The following MBD5 variants were observed in gnomAD, a reference collection of about 807,000 sequenced individuals.
MBD5 encodes the protein methyl-CpG-binding domain protein 5.
Under a neutral mutation model 117.3 loss-of-function variants are expected in MBD5, and 13 were observed. The observed-to-expected ratio is 0.11, with a 90% CI of 0.07 to 0.18. MBD5 has a LOEUF of 0.18. Among genes scored for constraint, MBD5 ranks in the 10% least tolerant of loss-of-function variants. MBD5 has a pLI of 1.00. For synonymous variants in MBD5, 727 were observed against 766.4 expected, an observed-to-expected ratio of 0.95 and a Z score of 0.85; for missense variants, 1,879 against 2,093.8, an observed-to-expected ratio of 0.90 and a Z score of 2.00.
intron 1 of MBD5, among the ~76,000 whole-genome samples, chr2:148,037,047 A>C (rs541543594): frequency 6.6e-6 from 1 of 152,124 alleles, no homozygotes; most frequent in African/African-American, 2.4e-5. Flanking sequence ...ATTTATGCTC[A>C]TAATTGCTTA....
Position 148,470,293 on chromosome 2 carries a change from A to G in MBD5, c.2350A>G (p.Ile784Val), listed in dbSNP as rs1195651550. 6.2e-7 allele frequency: 1 copy of G among 1,613,858 alleles called. No homozygotes were observed. Among genetic ancestry groups the G allele is most frequent in the African/African-American group, 1.3e-5 (1 of 74,912 alleles). ...PVPNHHLAGL[I>V]NQIQASGNCG... Reference sequence around the variant, plus strand: ...CCCCAACCACCATCTTGCAGGTTTAATAAATCAGATTCAGGCTAGCGGGAA... The same window carrying G: ...CCCCAACCACCATCTTGCAGGTTTAGTAAATCAGATTCAGGCTAGCGGGAA... The change falls in exon 8 of 14, where the codon ATA becomes GTA. Residue 784 changes from isoleucine (I) to valine (V), a missense_variant. By Grantham distance (29) the Ile-to-Val change is conservative. Around this residue, in one of 4 missense-constraint regions of MBD5, gnomAD observed 1,666 missense variants for 1,792.2 expected, o/e 0.93. Transcript: ENST00000642680.
chr2:148,445,875 C>T (rs143306968), intron 4 of MBD5, among the ~76,000 whole-genome samples: 1,984 of 151,482 alleles, frequency 0.013, 137 homozygotes, highest in African/African-American at 0.046. Context: ...TTGCATTTCT[C>T]TAATGGCCGG....
At chr2:148,225,304 TAAACAAAC>T (rs148288280) in intron 2 of MBD5, among the ~76,000 whole-genome samples, 1 of 151,714 alleles carries the variant, frequency 6.6e-6, no homozygotes, top group South Asian at 2.1e-4. Context: ...ACTGTTTACA[TAAACAAAC>T]AAACAAAAAA....
At chr2:148,066,163 G>A (rs898097255) in intron 1 of MBD5, among the ~76,000 whole-genome samples, 12 of 151,970 alleles carry the variant, frequency 7.9e-5, no homozygotes, top group African/African-American at 2.9e-4. Context: ...AAAATGAGCC[G>A]AGCATGGTGT....
At chr2:148,290,144 G>C (rs1226702039) in intron 3 of MBD5, among the ~76,000 whole-genome samples, 5 of 148,056 alleles carry the variant, frequency 3.4e-5, no homozygotes, top group African/African-American at 1.0e-4. Context: ...TTTTAGTAGA[G>C]ACAGTGTTTC....
chr2:148,064,680 C>T (rs78540662), intron 1 of MBD5, among the ~76,000 whole-genome samples: 120 of 152,270 alleles, frequency 7.9e-4, no homozygotes, highest in Non-Finnish European at 1.3e-3. Flanking sequence ...TCTTCTCTTA[C>T]TCAAGACACA....
At chr2:148,251,591 C>T (rs551220627) in intron 3 of MBD5, among the ~76,000 whole-genome samples, 13 of 152,246 alleles carry the variant, frequency 8.5e-5, no homozygotes, top group South Asian at 2.1e-4. Context: ...ATACATTTTA[C>T]GTAATTCCTA....
intron 4 of MBD5, among the ~76,000 whole-genome samples, chr2:148,353,118 TA>T (rs1298282251): frequency 3.9e-5 from 6 of 152,102 alleles, no homozygotes; most frequent in Non-Finnish European, 5.9e-5. Flanking sequence ...ATTACTTTAG[TA>T]AAAAAGGGCA....
chr2:148,107,097 A>G (rs1431522542), intron 1 of MBD5, among the ~76,000 whole-genome samples: 1 of 152,066 alleles, frequency 6.6e-6, no homozygotes, highest in Non-Finnish European at 1.5e-5. Flanking sequence ...ATATTAGAGT[A>G]GTAAAACCTC....
At chr2:148,129,036 G>A (rs752579843) in intron 1 of MBD5, among the ~76,000 whole-genome samples, 7 of 152,190 alleles carry the variant, frequency 4.6e-5, no homozygotes, top group African/African-American at 7.2e-5. Context: ...ATTTCAAATT[G>A]CCTTTCGTCT....
At chr2:148,113,547 A>G (rs1194936904) in intron 1 of MBD5, among the ~76,000 whole-genome samples, 1 of 152,214 alleles carries the variant, frequency 6.6e-6, no homozygotes, top group East Asian at 1.9e-4. Context: ...TCTGTTCCAG[A>G]GGAATGTGAG....
intron 1 of MBD5, among the ~76,000 whole-genome samples, chr2:148,170,201 ATTC>A (rs917617724): frequency 2.6e-5 from 4 of 152,140 alleles, no homozygotes; most frequent in Admixed American, 2.6e-4. Context: ...CCGGCCCGGG[ATTC>A]TTCTTTTCTT....
chr2:148,031,388 TGG>T (rs1251509112), intron 1 of MBD5, among the ~76,000 whole-genome samples: 1 of 152,006 alleles, frequency 6.6e-6, no homozygotes, highest in East Asian at 1.9e-4. Flanking sequence ...AGTGTGCTTT[TGG>T]GGAGGACCTG....
intron 3 of MBD5, among the ~76,000 whole-genome samples, chr2:148,250,440 T>A (rs892624982): frequency 6.6e-6 from 1 of 151,032 alleles, no homozygotes; most frequent in Non-Finnish European, 1.5e-5. Context: ...CCCCTGAACC[T>A]TCTTCTTTGC....
chr2:148,408,485 G>T (rs1705148554), intron 4 of MBD5, among the ~76,000 whole-genome samples: 1 of 152,084 alleles, frequency 6.6e-6, no homozygotes, highest in Non-Finnish European at 1.5e-5. Context: ...AGCATTTTGT[G>T]TCATCAAATA....
At chr2:148,247,300 C>G (rs546559786) in intron 3 of MBD5, among the ~76,000 whole-genome samples, 2 of 152,226 alleles carry the variant, frequency 1.3e-5, no homozygotes, top group East Asian at 3.9e-4. Flanking sequence ...CTTAAAGAGC[C>G]TCTGTCCTTG....
At position 148,489,527 on chromosome 2, in the gene MBD5, T is replaced by C. The variant is rs777210930; in HGVS notation, c.3895T>C (p.Ser1299Pro). 3 of 1,614,138 alleles carry C rather than the reference T, an allele frequency of 1.9e-6. No individual in the cohort carries two copies. The South Asian group carries it at 3.3e-5, about 18-fold the overall frequency. ...PCELQPRIDP[S>P]LGQQVKDGLV... ...TGAGTTGCAACCGAGGATTGACCCA[T>C]CTCTTGGTCAACAGGTGAAGGATGG... Residue 1299 changes from serine (S) to proline (P), a missense_variant, in exon 11 of 14, where the codon TCT becomes CCT. Coordinates refer to ENST00000642680, the MANE Select transcript of MBD5 (RefSeq NM_001378120.1).
chr2:148,495,035 C>T (rs1178770817), intron 11 of MBD5, among the ~76,000 whole-genome samples: 2 of 152,170 alleles, frequency 1.3e-5, no homozygotes, highest in African/African-American at 4.8e-5. Flanking sequence ...TTCTAAATAA[C>T]TGGTGCAAGT....
At chr2:148,510,182 A>T in intron 13 of MBD5, 47 bp downstream of exon 13, 1 of 1,401,216 alleles carries the variant, frequency 7.1e-7, no homozygotes, top group Non-Finnish European at 1.0e-6. Context: ...TTGAAAATAA[A>T]TTGTGTTACA....
Sources: allele counts gnomAD v4.1 joint callset (sites outside exome capture counted in the v4.1 genomes callset), GRCh38; gene constraint gnomAD v4.1.1; regional missense constraint gnomAD v4.1.1; transcripts MANE v1.5; gene names NCBI Gene and HGNC (gene_info 2026-07-23, HGNC 2026-07-21).